Variants in KAZN observed in about 807,000 individuals in gnomAD.
KAZN encodes the protein kazrin.
A neutral mutation model predicts 87.4 loss-of-function variants in KAZN; 40 were observed. That is an observed-to-expected ratio of 0.46 (90% CI 0.36 to 0.60). The LOEUF (loss-of-function observed/expected upper bound fraction) is 0.60, where lower values mean the gene tolerates loss of function less well. KAZN is among the 20% of genes least tolerant of loss of function. The pLI is 0.00. For synonymous variants in KAZN, 466 were observed against 458.3 expected, an observed-to-expected ratio of 1.02 and a Z score of -0.22; for missense variants, 898 against 1,073.9, an observed-to-expected ratio of 0.84 and a Z score of 2.29.
At chr1:14,406,212 C>A (rs10927427) in intron 2 of KAZN, among the ~76,000 whole-genome samples, 22,853 of 151,938 alleles carry the variant, frequency 0.15, 1,787 homozygotes, top group East Asian at 0.23. Context: ...CAGGTACCCC[C>A]TACATATATA....
chr1:15,071,398 T>C (rs11576465), intron 8 of KAZN, among the ~76,000 whole-genome samples: 22,705 of 152,002 alleles, frequency 0.15, 3,466 homozygotes, highest in African/African-American at 0.4. Context: ...ACTACAAGCA[T>C]GCATCACCAC....
chr1:14,180,410 C>T (rs1218231024), intron 1 of KAZN: 1 of 1,543,330 alleles, frequency 6.5e-7, no homozygotes, highest in Non-Finnish European at 8.7e-7. Flanking sequence ...TGTGACTCTA[C>T]TTTTCCTTCT....
chr1:14,377,303 T>C (rs1660992888), intron 2 of KAZN, among the ~76,000 whole-genome samples: 1 of 152,184 alleles, frequency 6.6e-6, no homozygotes, highest in Non-Finnish European at 1.5e-5. Context: ...GTTCCAGAGA[T>C]GACAAATGTG....
intron 1 of KAZN, among the ~76,000 whole-genome samples, chr1:14,782,574 A>AG (rs1171909600): frequency 6.6e-6 from 1 of 150,710 alleles, no homozygotes; most frequent in African/African-American, 2.4e-5. Flanking sequence ...AAAAAAAAAA[A>AG]AAAAGAAAAG....
chr1:13,932,257 C>CA (rs1553175090), intron 1 of KAZN, among the ~76,000 whole-genome samples: 2 of 71,206 alleles, frequency 2.8e-5, no homozygotes, highest in Admixed American at 3.4e-4. Flanking sequence ...GCTTATTAAA[C>CA]ATTTTTTTTT....
rs149759140 is a variant in KAZN, at chr1:15,060,260, C to T, written c.1005C>T (p.Ser335=). Residue 335 remains serine, a synonymous_variant, in exon 6 of 15, where the codon AGC becomes AGT. Coordinates refer to ENST00000376030, the MANE Select transcript of KAZN (RefSeq NM_201628.3). ...AAGGCGACCGGTCGTCCACACCGAGCGACATCAACTCCCCTCGACACCGGA... is the reference window on the plus strand; with the variant it reads ...AAGGCGACCGGTCGTCCACACCGAGTGACATCAACTCCCCTCGACACCGGA... The part of the protein sequence containing the change: ...AAEGDRSSTP[S]DINSPRHRTH... 3.4e-4 allele frequency: 548 copies of T among 1,614,216 alleles called. No individual in the cohort carries two copies. Among genetic ancestry groups the T allele is most frequent in the Middle Eastern group, 2.0e-3 (12 of 6,062 alleles).
At chr1:14,136,853 G>A (rs1413560793) in intron 1 of KAZN, among the ~76,000 whole-genome samples, 1 of 152,168 alleles carries the variant, frequency 6.6e-6, no homozygotes, top group Non-Finnish European at 1.5e-5. Context: ...CCCTGCTGGA[G>A]TGCATGGGGA....
chr1:14,946,311 TTC>T (rs36019890), intron 1 of KAZN: 27,730 of 148,850 alleles, frequency 0.19, 2,974 homozygotes, highest in African/African-American at 0.28. Context: ...TTCTTTTAAA[TTC>T]TCTCTCTCTT....
intron 1 of KAZN, among the ~76,000 whole-genome samples, chr1:14,091,526 T>C (rs1643993467): frequency 6.6e-6 from 1 of 152,224 alleles, no homozygotes; most frequent in African/African-American, 2.4e-5. Flanking sequence ...GTAGAAGTCA[T>C]GTCTATTAAT....
At chr1:14,464,799 C>T (rs1668029065) in intron 2 of KAZN, among the ~76,000 whole-genome samples, 1 of 152,046 alleles carries the variant, frequency 6.6e-6, no homozygotes, top group Non-Finnish European at 1.5e-5. Context: ...CCTCCACCTC[C>T]CAAAGTGCTG....
intron 2 of KAZN, among the ~76,000 whole-genome samples, chr1:14,449,545 C>A (rs1212854580): frequency 4.6e-5 from 7 of 152,154 alleles, no homozygotes; most frequent in Non-Finnish European, 1.0e-4. Context: ...AAACTCTATG[C>A]AAAATAGTGT....
intron 1 of KAZN, among the ~76,000 whole-genome samples, chr1:14,030,485 A>T (rs1327268813): frequency 1.3e-5 from 2 of 151,962 alleles, no homozygotes; most frequent in Non-Finnish European, 2.9e-5. Flanking sequence ...ATGCTAGATG[A>T]CGAGTTAGTG....
intron 4 of KAZN, among the ~76,000 whole-genome samples, chr1:15,049,490 C>G (rs927139526): frequency 3.9e-5 from 6 of 152,176 alleles, no homozygotes; most frequent in Non-Finnish European, 5.9e-5. Flanking sequence ...CCCCAGCCCC[C>G]CAGTGTCACA....
intron 1 of KAZN, among the ~76,000 whole-genome samples, chr1:14,108,608 TC>T (rs1175340403): frequency 6.6e-6 from 1 of 152,142 alleles, no homozygotes; most frequent in Non-Finnish European, 1.5e-5. Flanking sequence ...CATTCCACTT[TC>T]CAAAATACCC....
chr1:14,729,062 G>A (rs1003817456), intron 1 of KAZN, among the ~76,000 whole-genome samples: 1 of 152,138 alleles, frequency 6.6e-6, no homozygotes, highest in Non-Finnish European at 1.5e-5. Flanking sequence ...CGTGACCCTT[G>A]ACCCTATCCT....
At chr1:13,968,300 A>G (rs1570412368) in intron 1 of KAZN, among the ~76,000 whole-genome samples, 1 of 152,286 alleles carries the variant, frequency 6.6e-6, no homozygotes, top group Admixed American at 6.5e-5. Context: ...CTTTCTAGCA[A>G]ATAACCTCTC....
chr1:14,883,348 A>AGGGAGGG (rs1557586257), intron 1 of KAZN, among the ~76,000 whole-genome samples: 1 of 31,884 alleles, frequency 3.1e-5, no homozygotes, highest in Admixed American at 4.5e-4. Flanking sequence ...GAGAGAAAGA[A>AGGGAGGG]AGAAAGAAAA....
chr1:14,335,115 C>A lies in KAZN; in HGVS notation c.249+154523C>A, dbSNP rs192164671. Among the ~76,000 whole-genome samples, 19 of 150,832 alleles carry A rather than the reference C, an allele frequency of 1.3e-4. No homozygotes were observed. The South Asian group carries it at 4.0e-3, about 32-fold the overall frequency. On this transcript the variant is annotated intron_variant, in intron 2 of 16. Coordinates refer to the KAZN transcript ENST00000636203. The stretch of plus-strand genomic sequence containing the variant: ...TCATGAATGACTCGGTGCCCCCCCC[C>A]CACCACCCCAGTGGTGATGAATGAG...
chr1:14,012,502 C>T (rs952476003), intron 1 of KAZN, among the ~76,000 whole-genome samples: 2 of 152,154 alleles, frequency 1.3e-5, no homozygotes, highest in Non-Finnish European at 2.9e-5. Context: ...TCCAACCCTG[C>T]TTGAGAACCT....
Sources: allele counts gnomAD v4.1 joint callset (sites outside exome capture counted in the v4.1 genomes callset), GRCh38; gene constraint gnomAD v4.1.1; transcripts MANE v1.5; gene names NCBI Gene and HGNC (gene_info 2026-07-23, HGNC 2026-07-21).